RNF19B: variants seen among roughly 807,000 people sequenced by gnomAD.
RNF19B encodes the protein ring finger protein 19B, also known as E3 ubiquitin-protein ligase RNF19B.
In RNF19B, 23 loss-of-function variants were observed where a neutral mutation model predicts 65.5. The observed-to-expected ratio is 0.35, with a 90% confidence interval of 0.25 to 0.50. The LOEUF is 0.50. Ranked by LOEUF, RNF19B falls within the 20% of genes least tolerant of loss-of-function variation. RNF19B has a pLI of 0.98. For missense variants in RNF19B, 794 were observed against 980.0 expected (o/e 0.81, Z 2.53); for synonymous variants, 372 against 379.6 (o/e 0.98, Z 0.23).
At position 32,949,788 on chromosome 1, in the gene RNF19B, C is replaced by A. The variant is rs766225456; in HGVS notation, c.636-14G>T. On this transcript the variant is annotated splice_polypyrimidine_tract_variant and intron_variant, in intron 1 of 8. Transcript: ENST00000235150. The stretch of plus-strand genomic sequence containing the variant: ...ATAACAGCATAACTAGGTAAGGAAA[C>A]AGTAAGAGATACCAGTAAGGTAAGA... The A allele has an allele frequency of 6.2e-7, 1 of 1,600,422 alleles. No homozygotes were observed. Among genetic ancestry groups the A allele is most frequent in the Non-Finnish European group, 8.5e-7 (1 of 1,170,734 alleles).
At position 32,949,741 on chromosome 1, in the gene RNF19B, G is replaced by A. The variant is rs776073735; in HGVS notation, c.669C>T (p.Cys223=). The A allele has an allele frequency of 6.2e-7, 1 of 1,613,834 alleles. No individual in the cohort carries two copies. Among genetic ancestry groups the A allele is most frequent in the Non-Finnish European group, 8.5e-7 (1 of 1,179,992 alleles). ...CTTCCCTCTCACAAGTTAGCTTCGG[G>A]CAGCTGGCACAGCCATAGGCAATAA... ...YAVIAYGCAS[C]PKLTCEREGC... is the part of the protein sequence containing the mutation. The change falls in exon 2 of 9, where the codon TGC becomes TGT. Residue 223 remains cysteine (C), a synonymous_variant. Transcript: ENST00000235150.
At chr1:32,948,482 AC>A (rs1642418903) in intron 2 of RNF19B, 119 bp from the exon 3 acceptor site, 2 of 1,059,946 alleles carry the variant, frequency 1.9e-6, no homozygotes, top group Non-Finnish European at 2.7e-6. Context: ...TCTTCACTGA[AC>A]ACTCCAAATT....
At chr1:32,933,768 T>G (rs1460590832), downstream of RNF19B, among the ~76,000 whole-genome samples, 1 of 152,142 alleles carries the variant, frequency 6.6e-6, no homozygotes, top group Non-Finnish European at 1.5e-5. Context: ...AACATGGGCC[T>G]TTACCAAAAA....
In RNF19B at chr1:32,964,002, G is replaced by T; in HGVS notation, c.635+49C>A. On this transcript the variant is annotated intron_variant, in intron 1 of 8. Transcript: ENST00000235150. This position sits in a 1 kb window ranked among gnomAD's most constrained non-coding sequence, Gnocchi z 6.5. ...CGGGGTCCCTGCTGCCCCCAGCCAC[G>T]CCCCTCGGCTGCAGCCCGCCGCCAC... 7.2e-7 allele frequency: 1 copy of T among 1,390,212 alleles called. No homozygotes were observed. Among genetic ancestry groups the T allele is most frequent in the Non-Finnish European group, 9.3e-7 (1 of 1,078,310 alleles). The allele number at this position is 1,390,212 out of a possible 1,614,324, so 86.1% of individuals were successfully genotyped here.
intron 1 of RNF19B, among the ~76,000 whole-genome samples, chr1:32,958,701 C>T (rs1489301826): frequency 6.8e-6 from 1 of 146,344 alleles, no homozygotes; most frequent in East Asian, 2.0e-4. Flanking sequence ...GCCTGGGCAA[C>T]AGAGCGAGAC....
At chr1:32,945,374 T>A (rs1642343106) in intron 5 of RNF19B, 140 bp downstream of exon 5, 1 of 527,536 alleles carries the variant, frequency 1.9e-6, no homozygotes, top group Admixed American at 3.4e-5. Flanking sequence ...AAAATAATCA[T>A]AATCATGGTG....
At chr1:32,953,111 G>A (rs1642549517) in intron 1 of RNF19B, among the ~76,000 whole-genome samples, 1 of 151,348 alleles carries the variant, frequency 6.6e-6, no homozygotes, top group Non-Finnish European at 1.5e-5. Context: ...ATACCACCAT[G>A]CCCAGCTAAC....
At chr1:32,944,757 C>A (rs547758754) in intron 5 of RNF19B, among the ~76,000 whole-genome samples, 1 of 151,700 alleles carries the variant, frequency 6.6e-6, no homozygotes, top group Admixed American at 6.6e-5. Flanking sequence ...GGCACGATCT[C>A]GGCTCACTGC....
In RNF19B at chr1:32,964,498, G is replaced by A. The variant is rs1208505427; in HGVS notation, c.188C>T (p.Pro63Leu). 3.2e-6 allele frequency: 3 copies of A among 951,498 alleles called. No homozygotes were observed. The highest frequency in any genetic ancestry group is 1.8e-5 in the African/African-American group (1 of 55,778). The allele number at this position is 951,498 out of a possible 1,614,324, so 58.9% of individuals were successfully genotyped here. ...QAEPPPPAAQ[P>L]PPAPAPAAAQ... is the part of the protein sequence containing the mutation. ...CGCGGCAGGGGCCGGGGCGGGCGGC[G>A]GCTGCGCAGCCGGGGGCGGCGGCTC... The change falls in exon 1 of 9, where the codon CCG becomes CTG. Residue 63 changes from proline (P) to leucine (L), a missense_variant. This residue lies in a region of RNF19B where 374 missense variants were observed against 423.8 expected (regional missense o/e 0.88). Transcript: ENST00000235150. This position sits in a 1 kb window ranked among gnomAD's most constrained non-coding sequence, Gnocchi z 6.5.
At chr1:32,934,081 A>C (rs1642060748), downstream of RNF19B, among the ~76,000 whole-genome samples, 1 of 152,166 alleles carries the variant, frequency 6.6e-6, no homozygotes, top group African/African-American at 2.4e-5. Context: ...TCTCTTTTTC[A>C]CACAAGTACA....
intron 7 of RNF19B, among the ~76,000 whole-genome samples, chr1:32,941,803 G>C (rs1421683464): frequency 1.3e-5 from 2 of 150,064 alleles, no homozygotes; most frequent in East Asian, 3.9e-4. Context: ...ATTTGTAAAA[G>C]TAAAAAAAAA....
Position 32,942,578 on chromosome 1 carries a change from T to C in RNF19B, c.1403-119A>G, listed in dbSNP as rs973877398. ...ATTTACTTAATGAACAGGTACTGTG[T>C]GCAGTCGCCACATATCAGGTGTTTT... On this transcript the variant is annotated intron_variant, in intron 6 of 8. Transcript: ENST00000235150. The C allele has an allele frequency of 5.4e-6, 4 of 741,172 alleles. No homozygotes were observed. In the Admixed American group the frequency reaches 8.2e-5, roughly 15 times the overall value. The allele number at this position is 741,172 out of a possible 1,614,324, so 45.9% of individuals were successfully genotyped here.
downstream of RNF19B, among the ~76,000 whole-genome samples, chr1:32,933,821 G>A (rs1642058160): frequency 6.6e-6 from 1 of 151,980 alleles, no homozygotes; most frequent in Non-Finnish European, 1.5e-5. Context: ...CCCTTAACTA[G>A]GATCATCATC....
the RNF19B span, among the ~76,000 whole-genome samples, chr1:32,929,714 T>C: frequency 6.6e-6 from 1 of 152,156 alleles, no homozygotes; most frequent in Admixed American, 6.5e-5. Context: ...TGTCTGTAAA[T>C]CTCCATTTTG....
rs1423990358 is a variant in RNF19B, at chr1:32,964,003, C to G, written c.635+48G>C. On this transcript the variant is annotated intron_variant, in intron 1 of 8. Transcript: ENST00000235150. The surrounding 1 kb of genome is among the most constrained non-coding windows in gnomAD (Gnocchi z 6.5). ...GGGGTCCCTGCTGCCCCCAGCCACG[C>G]CCCTCGGCTGCAGCCCGCCGCCACC... 2 of 1,400,044 alleles carry G rather than the reference C, an allele frequency of 1.4e-6. No individual in the cohort carries two copies. Among genetic ancestry groups the G allele is most frequent in the South Asian group, 1.6e-5 (1 of 61,832 alleles). 86.7% of individuals were successfully genotyped at this position (1,400,044 alleles called of 1,614,324 possible). A position where few individuals can be genotyped will look rare whatever the true frequency, so the allele number is the denominator to read the frequency against.
At chr1:32,957,982 G>A (rs1557581221) in intron 1 of RNF19B, among the ~76,000 whole-genome samples, 1 of 152,094 alleles carries the variant, frequency 6.6e-6, no homozygotes, top group Non-Finnish European at 1.5e-5. Flanking sequence ...CTCTTCTAGA[G>A]CCTAATTGAA....
chr1:32,930,816 A>G, the RNF19B span, among the ~76,000 whole-genome samples: 1 of 152,210 alleles, frequency 6.6e-6, no homozygotes, highest in Non-Finnish European at 1.5e-5. Context: ...GGCCGGTCGC[A>G]GTGGCTCACG....
the RNF19B span, among the ~76,000 whole-genome samples, chr1:32,929,809 A>G: frequency 6.6e-6 from 1 of 152,250 alleles, no homozygotes; most frequent in East Asian, 1.9e-4. Context: ...TAGGTAACCC[A>G]TGTATTTCAT....
In RNF19B at chr1:32,964,125, C is replaced by T. The variant is rs1642840148; in HGVS notation, c.561G>A (p.Lys187=). The T allele has an allele frequency of 4.5e-6, 7 of 1,542,254 alleles. No homozygotes were observed. The highest frequency in any genetic ancestry group is 2.0e-5 in the Admixed American group (1 of 50,262). ...AGCGGCGCAGCATGAACTCCTCGTA[C>T]TTGTGCATAAGCGGCGGGTCGGCGA... ...LLLADPPLMH[K]YEEFMLRRYL... The change falls in exon 1 of 9, where the codon AAG becomes AAA. Residue 187 remains lysine (K), a synonymous_variant. Transcript: ENST00000235150. The surrounding 1 kb of genome is among the most constrained non-coding windows in gnomAD (Gnocchi z 6.5).
Sources: gnomAD v4.1 joint callset for allele counts (sites outside exome capture counted in the v4.1 genomes callset) on GRCh38, gnomAD v4.1.1 for gene constraint, gnomAD v4.1.1 regional missense constraint, Gnocchi (gnomAD v3.1) non-coding constraint, MANE v1.5 for transcripts, NCBI Gene and HGNC (gene_info 2026-07-23, HGNC 2026-07-21) for gene names.